The following GALNS variants were observed in gnomAD, a reference collection of about 807,000 sequenced individuals.
GALNS encodes the protein galactosamine (N-acetyl)-6-sulfatase, also known as N-acetylgalactosamine-6-sulfatase.
GALNS carries 65 observed loss-of-function variants against 65.9 expected under a neutral mutation model. The ratio of observed to expected loss-of-function variants is 0.99; its 90% CI spans 0.81 to 1.21. GALNS has a LOEUF of 1.21. Among genes scored for constraint, GALNS ranks in the 50% most tolerant of loss-of-function variants. The pLI is 0.00. For synonymous variants in GALNS, 346 were observed against 288.9 expected, an observed-to-expected ratio of 1.20 and a Z score of -2.00; for missense variants, 776 against 700.7, an observed-to-expected ratio of 1.11 and a Z score of -1.21.
Position 88,822,699 on chromosome 16 carries a change from G to C in GALNS, c.1254C>G (p.Phe418Leu). ...SWENFRQGID[F>L]CPGQNVSGVT... ...CCCCTGAAACGTTCTGCCCAGGGCA[G>C]AAATCAATGCCCTGCAATGAGAAGA... Residue 418 changes from phenylalanine (F) to leucine (L), a missense_variant, in exon 12 of 14, where the codon TTC becomes TTG. Phe to Leu is a conservative substitution (Grantham distance 22, BLOSUM62 0). Transcript: ENST00000268695. The C allele has an allele frequency of 6.2e-7, 1 of 1,612,716 alleles. No homozygotes were observed. The highest frequency in any genetic ancestry group is 8.5e-7 in the Non-Finnish European group (1 of 1,179,618).
At chr16:88,853,151 T>G (rs1228102007) in intron 1 of GALNS, among the ~76,000 whole-genome samples, 1 of 147,016 alleles carries the variant, frequency 6.8e-6, no homozygotes, top group Non-Finnish European at 1.5e-5. Flanking sequence ...CTCGGGAGGC[T>G]GAGGCAGGAG....
At chr16:88,826,902 A>G (rs1403118134) in intron 9 of GALNS, 64 bp from the exon 10 acceptor site, 2 of 1,542,838 alleles carry the variant, frequency 1.3e-6, no homozygotes, top group African/African-American at 1.4e-5. Context: ...CTGGGGGCCA[A>G]TCCCTGGGGG....
At chr16:88,825,201 G>T (rs1350668869) in intron 10 of GALNS, among the ~76,000 whole-genome samples, 1 of 130,012 alleles carries the variant, frequency 7.7e-6, no homozygotes, top group Non-Finnish European at 1.6e-5. Flanking sequence ...TGTCTAGGGT[G>T]CCTGGGTGTC....
chr16:88,841,549 A>G (rs113473233), intron 3 of GALNS, among the ~76,000 whole-genome samples: 6 of 152,096 alleles, frequency 3.9e-5, no homozygotes, highest in African/African-American at 1.4e-4. Flanking sequence ...CAAACCCCTC[A>G]AGCACAGCGA....
At chr16:88,824,701 C>T in intron 11 of GALNS, 66 bp downstream of exon 11, 1 of 1,381,078 alleles carries the variant, frequency 7.2e-7, no homozygotes, top group Admixed American at 1.7e-5. Flanking sequence ...CAGGACGGTG[C>T]TCAGGGGCCA....
intron 12 of GALNS, 50 bp from the exon 13 acceptor site, chr16:88,818,174 G>A (rs538969910): frequency 1.5e-5 from 22 of 1,445,068 alleles, no homozygotes; most frequent in South Asian, 1.2e-4. Flanking sequence ...AGCGAAGGAC[G>A]GAGAGGGGCT....
intron 1 of GALNS, among the ~76,000 whole-genome samples, chr16:88,852,621 G>A (rs1967556932): frequency 1.3e-5 from 2 of 152,202 alleles, no homozygotes; most frequent in South Asian, 4.1e-4. Flanking sequence ...CCATGGTAAG[G>A]AAGCTAAAAA....
At chr16:88,828,835 C>A (rs1057098684) in intron 9 of GALNS, among the ~76,000 whole-genome samples, 1 of 152,218 alleles carries the variant, frequency 6.6e-6, no homozygotes, top group African/African-American at 2.4e-5. Context: ...CAGGCTGCTG[C>A]TGAGCACAGC....
intron 5 of GALNS, 103 bp from the exon 6 acceptor site, chr16:88,836,370 C>T: frequency 1.0e-6 from 1 of 986,308 alleles, no homozygotes; most frequent in Non-Finnish European, 1.6e-6. Flanking sequence ...TAAAAGAAGG[C>T]TAGGGCTGGG....
chr16:88,841,141 G>T, intron 3 of GALNS, 47 bp from the exon 4 acceptor site: 1 of 1,439,470 alleles, frequency 6.9e-7, no homozygotes, highest in Non-Finnish European at 9.8e-7. Flanking sequence ...CCGAGAAGCT[G>T]CCACCAACCC....
At chr16:88,850,876 G>A (rs117875503) in intron 1 of GALNS, among the ~76,000 whole-genome samples, 147 of 152,368 alleles carry the variant, frequency 9.6e-4, no homozygotes, top group Admixed American at 1.8e-3. Flanking sequence ...GGCATAAATC[G>A]TGGCATGTGC....
At chr16:88,833,966 G>A (rs868073333) in intron 8 of GALNS, among the ~76,000 whole-genome samples, 6 of 152,216 alleles carry the variant, frequency 3.9e-5, no homozygotes, top group Admixed American at 6.5e-5. Context: ...TGCTGGCGTC[G>A]AGGTGGGCCC....
At chr16:88,817,950 CG>C in intron 13 of GALNS, 56 bp downstream of exon 13, 1 of 1,401,586 alleles carries the variant, frequency 7.1e-7, no homozygotes, top group Non-Finnish European at 9.8e-7. Flanking sequence ...TCCTGGGCCC[CG>C]GGTGGGTGGC....
intron 9 of GALNS, 112 bp downstream of exon 9, chr16:88,831,886 G>A: frequency 2.3e-6 from 2 of 873,326 alleles, no homozygotes; most frequent in East Asian, 2.6e-5. Flanking sequence ...GAGGAGAGCG[G>A]TGAGGATGAG....
chr16:88,830,179 C>T (rs1488266206), intron 9 of GALNS, among the ~76,000 whole-genome samples: 6 of 143,298 alleles, frequency 4.2e-5, no homozygotes, highest in African/African-American at 1.3e-4. Flanking sequence ...TGCAGTGAGC[C>T]GAGATTGCAC....
At chr16:88,814,698 A>T (rs1005869910) in intron 13 of GALNS, 173 bp from the exon 14 acceptor site, 1 of 555,344 alleles carries the variant, frequency 1.8e-6, no homozygotes, top group Admixed American at 6.3e-5. Flanking sequence ...GGTTCAAGAG[A>T]TTCTCCTGCC....
intron 1 of GALNS, 103 bp downstream of exon 1, chr16:88,856,654 TC>T: frequency 3.5e-6 from 1 of 281,958 alleles, no homozygotes; most frequent in Non-Finnish European, 6.9e-6. Flanking sequence ...CCCTCACCTC[TC>T]CCCCCACCCC....
chr16:88,844,879 C>T (rs1356274938), intron 1 of GALNS: 1 of 152,256 alleles, frequency 6.6e-6, no homozygotes, highest in Non-Finnish European at 1.5e-5. Flanking sequence ...TGTCACAGCC[C>T]CTCAGCCCTG....
At chr16:88,841,800 G>T (rs1404230097) in intron 3 of GALNS, 97 bp downstream of exon 3, 6 of 1,107,812 alleles carry the variant, frequency 5.4e-6, no homozygotes, top group Non-Finnish European at 8.1e-6. Context: ...CCCACCTGCA[G>T]CTTGCCACCC....
Sources: gnomAD v4.1 joint callset for allele counts (sites outside exome capture counted in the v4.1 genomes callset) on GRCh38, gnomAD v4.1.1 for gene constraint, MANE v1.5 for transcripts, NCBI Gene and HGNC (gene_info 2026-07-23, HGNC 2026-07-21) for gene names.